PGA3: variants seen among roughly 807,000 people sequenced by gnomAD.
PGA3 encodes pepsin A-3.
Under a neutral mutation model 15.6 loss-of-function variants are expected in PGA3, and 1 was observed. The ratio of observed to expected loss-of-function variants is 0.06; its 90% CI spans 0.02 to 0.30. The LOEUF is 0.30. Ranked by LOEUF, PGA3 falls within the 10% of genes least tolerant of loss-of-function variation. The pLI, the probability that PGA3 is intolerant of heterozygous loss-of-function variation, is 1.00. For missense variants in PGA3, 29 were observed against 183.7 expected (o/e 0.16, Z 4.87); for synonymous variants, 14 against 79.5 (o/e 0.18, Z 4.38).
intron 2 of PGA3, among the ~76,000 whole-genome samples, chr11:61,205,286 T>C (rs1487470182): frequency 6.6e-6 from 1 of 151,890 alleles, no homozygotes; most frequent in East Asian, 1.9e-4. Flanking sequence ...GCGCATTTAT[T>C]TAGTTCACAA....
At chr11:61,211,801 C>A (rs2134695260) in intron 8 of PGA3, among the ~76,000 whole-genome samples, 1 of 151,188 alleles carries the variant, frequency 6.6e-6, no homozygotes, top group South Asian at 2.1e-4. Flanking sequence ...CTTTCCCCAC[C>A]CTCAGAGTGC....
chr11:61,205,628 G>A (rs1278168056), intron 2 of PGA3: 1 of 137,356 alleles, frequency 7.3e-6, no homozygotes, highest in African/African-American at 2.7e-5. Context: ...CTAGCACAAG[G>A]AATAGCCAGT....
At chr11:61,211,889 C>G (rs1440122455) in intron 8 of PGA3, among the ~76,000 whole-genome samples, 1 of 151,152 alleles carries the variant, frequency 6.6e-6, no homozygotes, top group African/African-American at 2.4e-5. Context: ...TTTCCGTAGG[C>G]TGGGGCTTCT....
chr11:61,203,740 C>T (rs183708165), intron 1 of PGA3, 120 bp downstream of exon 1: 21,719 of 1,556,514 alleles, frequency 0.014, 319 homozygotes, highest in African/African-American at 0.037. Flanking sequence ...CCCCCTTTTC[C>T]GCCTCTCTCT....
At chr11:61,204,785 A>AG (rs1205996918) in intron 2 of PGA3, 1 of 170,454 alleles carries the variant, frequency 5.9e-6, no homozygotes, top group Non-Finnish European at 1.3e-5. Flanking sequence ...GTGCCTTTGA[A>AG]GGGGAGCCGA....
chr11:61,211,810 G>A (rs1853951000), intron 8 of PGA3, among the ~76,000 whole-genome samples: 2 of 151,092 alleles, frequency 1.3e-5, no homozygotes, highest in South Asian at 4.2e-4. Flanking sequence ...CCCTCAGAGT[G>A]CGGTTAGGTC....
rs766859255 is a variant in PGA3 at position 61,203,579 on chromosome 11, G to C, written c.15G>C (p.Leu5=). Residue 5 remains leucine (L), a synonymous_variant, in exon 1 of 9, where the codon CTG becomes CTC. Transcript: ENST00000325558. MKWL[L]LLGLVALSEC... The stretch of plus-strand genomic sequence containing the variant: ...CGGGAAGAACCATGAAGTGGCTGCT[G>C]CTGCTGGGTCTGGTGGCACTCTCTG... 2 of 1,611,440 alleles carry C rather than the reference G, an allele frequency of 1.2e-6. No homozygotes were observed. Among genetic ancestry groups the C allele is most frequent in the East Asian group, 4.5e-5 (2 of 44,896 alleles).
intron 2 of PGA3, among the ~76,000 whole-genome samples, chr11:61,205,370 A>G (rs530393936): frequency 3.4e-4 from 52 of 152,248 alleles, no homozygotes; most frequent in Admixed American, 3.1e-3. Flanking sequence ...TGAATAATCA[A>G]AGTTCCTGGA....
intron 2 of PGA3, among the ~76,000 whole-genome samples, chr11:61,205,363 A>AT (rs1307485156): frequency 1.3e-5 from 2 of 152,138 alleles, no homozygotes; most frequent in Non-Finnish European, 2.9e-5. Context: ...ATGATGGTGA[A>AT]TAATCAAAGT....
intron 2 of PGA3, among the ~76,000 whole-genome samples, chr11:61,205,196 G>A (rs1853911230): frequency 6.6e-6 from 1 of 152,048 alleles, no homozygotes; most frequent in South Asian, 2.1e-4. Flanking sequence ...GTCAGAGGAT[G>A]TTGCCAGGAA....
At chr11:61,204,411 C>T (rs1383002733) in intron 2 of PGA3, 142 bp downstream of exon 2, 1 of 495,576 alleles carries the variant, frequency 2.0e-6, no homozygotes, top group African/African-American at 2.2e-5. Context: ...TGTCAGTGGC[C>T]CAGGGCAGGC....
intron 2 of PGA3, chr11:61,205,648 C>G (rs1853917905): frequency 7.3e-6 from 1 of 136,960 alleles, no homozygotes; most frequent in Non-Finnish European, 1.6e-5. Flanking sequence ...TGCAAAGGCC[C>G]TAGGGCAGGA....
Position 61,203,715 on chromosome 11 carries a change from T to C in PGA3, c.56+95T>C, listed in dbSNP as rs1853892462. 2 of 1,599,532 alleles carry C rather than the reference T, an allele frequency of 1.3e-6. 1 individual carries two copies. Among genetic ancestry groups the C allele is most frequent in the African/African-American group, 2.8e-5 (2 of 71,224 alleles). ...TTCTTCCCTTTTTTCTCCCTCTCTATTCAGCTGTCTCCATCCCCCTTTTCC... is the reference window on the plus strand; with the variant it reads ...TTCTTCCCTTTTTTCTCCCTCTCTACTCAGCTGTCTCCATCCCCCTTTTCC... On this transcript the variant is annotated intron_variant, in intron 1 of 8. Coordinates refer to ENST00000325558, the MANE Select transcript of PGA3 (RefSeq NM_001079807.4).
chr11:61,205,114 G>A (rs1853910035), intron 2 of PGA3, among the ~76,000 whole-genome samples: 1 of 152,024 alleles, frequency 6.6e-6, no homozygotes, highest in Admixed American at 6.5e-5. Context: ...TAAGCCACAG[G>A]ACCTTGGCCA....
At chr11:61,211,660 T>C (rs1243421330) in intron 8 of PGA3, among the ~76,000 whole-genome samples, 3 of 150,634 alleles carry the variant, frequency 2.0e-5, no homozygotes, top group Admixed American at 6.6e-5. Context: ...CAAAGGTTAA[T>C]GGAGTGAAAA....
At chr11:61,206,017 TG>T (rs1237125631) in intron 2 of PGA3, 5 of 157,184 alleles carry the variant, frequency 3.2e-5, no homozygotes, top group Non-Finnish European at 5.7e-5. Flanking sequence ...ATAAAAATTC[TG>T]GCAATGCCCT....
chr11:61,211,333 C>G lies in PGA3; in HGVS notation c.919-4C>G. 9.2e-7 allele frequency: 1 copy of G among 1,090,078 alleles called. No homozygotes were observed. The highest frequency in any genetic ancestry group is 1.4e-6 in the Non-Finnish European group (1 of 736,842). 67.5% of individuals were successfully genotyped at this position (1,090,078 alleles called of 1,614,324 possible). Reference sequence around the variant, plus strand: ...CTAACTTTTCTCACCCTCACTCTTTCCAGATGGTGGTCAGCTGCTCAGCCA... The same window carrying G: ...CTAACTTTTCTCACCCTCACTCTTTGCAGATGGTGGTCAGCTGCTCAGCCA... On this transcript the variant is annotated splice_polypyrimidine_tract_variant and splice_region_variant and intron_variant, in intron 7 of 8. Transcript: ENST00000325558.
intron 8 of PGA3, 105 bp downstream of exon 8, chr11:61,211,540 G>C: frequency 7.2e-7 from 1 of 1,386,048 alleles, no homozygotes; most frequent in Non-Finnish European, 1.0e-6. Context: ...AAGCCAAGAG[G>C]CAGAGGCAGA....
At chr11:61,205,214 G>A (rs1350679444) in intron 2 of PGA3, among the ~76,000 whole-genome samples, 3 of 151,894 alleles carry the variant, frequency 2.0e-5, no homozygotes, top group East Asian at 3.8e-4. Context: ...GAATTAACAC[G>A]ATCATGTTTT....
Sources: allele counts gnomAD v4.1 joint callset (sites outside exome capture counted in the v4.1 genomes callset), GRCh38; gene constraint gnomAD v4.1.1; transcripts MANE v1.5; gene names NCBI Gene and HGNC (gene_info 2026-07-23, HGNC 2026-07-21).